The following GTF2E1 variants were observed in gnomAD, a reference collection of about 807,000 sequenced individuals.
GTF2E1 encodes the protein general transcription factor IIE subunit 1.
Under a neutral mutation model 34.9 loss-of-function variants are expected in GTF2E1, and 14 were observed. That is an observed-to-expected ratio of 0.40 (90% confidence interval 0.27 to 0.63). GTF2E1 has a LOEUF of 0.63. Ranked by LOEUF, GTF2E1 falls within the 20% of genes least tolerant of loss-of-function variation. GTF2E1 has a pLI of 0.39. For missense variants in GTF2E1, 469 were observed against 557.7 expected (o/e 0.84, Z 1.60); for synonymous variants, 188 against 192.9 (o/e 0.97, Z 0.21).
chr3:120,762,782 CT>C (rs1239035009), intron 2 of GTF2E1, among the ~76,000 whole-genome samples: 1 of 152,172 alleles, frequency 6.6e-6, no homozygotes, highest in African/African-American at 2.4e-5. Flanking sequence ...TCTTGGCCTT[CT>C]TTTAGCATGT....
intron 3 of GTF2E1, among the ~76,000 whole-genome samples, chr3:120,772,925 A>G (rs918377501): frequency 1.3e-5 from 2 of 152,124 alleles, no homozygotes; most frequent in African/African-American, 4.8e-5. Context: ...GAGGCCCAAC[A>G]GCAGCTCTCT....
At chr3:120,771,046 T>A in intron 3 of GTF2E1, 117 bp downstream of exon 3, 1 of 808,920 alleles carries the variant, frequency 1.2e-6, no homozygotes, top group South Asian at 1.5e-5. Context: ...GACTGTAATG[T>A]TACGTAGGTT....
rs55697401 is a variant in GTF2E1 at position 120,781,872 on chromosome 3, T to A, written c.*402T>A. 2 of 159,904 alleles carry A rather than the reference T, an allele frequency of 1.3e-5. No individual in the cohort carries two copies. Among genetic ancestry groups the A allele is most frequent in the African/African-American group, 4.8e-5 (2 of 41,324 alleles). The allele number at this position is 159,904 out of a possible 1,614,324, so 9.9% of individuals were successfully genotyped here. A position where few individuals can be genotyped will look rare whatever the true frequency, so the allele number is the denominator to read the frequency against. On this transcript the variant is annotated 3_prime_UTR_variant, in exon 5 of 5. Coordinates refer to ENST00000283875, the MANE Select transcript of GTF2E1 (RefSeq NM_005513.3). Reference sequence around the variant, plus strand: ...CTGGGATTACAGGTGCCTGCCACCATGCCTGGCTAATTTTTGTATTTTTAG... The same window carrying A: ...CTGGGATTACAGGTGCCTGCCACCAAGCCTGGCTAATTTTTGTATTTTTAG...
chr3:120,765,621 T>C (rs149126558), intron 2 of GTF2E1, among the ~76,000 whole-genome samples: 1 of 152,204 alleles, frequency 6.6e-6, no homozygotes, highest in African/African-American at 2.4e-5. Context: ...AATCCAAGTT[T>C]AGTGATTTTT....
chr3:120,759,270 A>G (rs1244743710), intron 2 of GTF2E1, among the ~76,000 whole-genome samples: 7 of 152,032 alleles, frequency 4.6e-5, no homozygotes, highest in Admixed American at 3.3e-4. Context: ...TCCTTTGCCC[A>G]CTTTTTGATG....
At chr3:120,778,507 A>G (rs1709419828) in intron 4 of GTF2E1, among the ~76,000 whole-genome samples, 1 of 152,132 alleles carries the variant, frequency 6.6e-6, no homozygotes, top group African/African-American at 2.4e-5. Flanking sequence ...AGAAAGTTCT[A>G]ATTCCTTTTG....
chr3:120,757,143 T>C (rs1185691963), intron 2 of GTF2E1, among the ~76,000 whole-genome samples: 1 of 152,164 alleles, frequency 6.6e-6, no homozygotes, highest in Non-Finnish European at 1.5e-5. Flanking sequence ...GGGCCTAATT[T>C]AGAGAATTTA....
In GTF2E1 at chr3:120,753,199, C is replaced by CT. The variant is rs540522255; in HGVS notation, c.448+2200dup. ...CTTTTAGAAATCTTTGTGTTTTTCT[C>CT]TATTATTCTTTCTTGTTTTGCTCGG... On this transcript the variant is annotated intron_variant, in intron 2 of 4. Coordinates refer to ENST00000283875, the MANE Select transcript of GTF2E1 (RefSeq NM_005513.3). Among the ~76,000 whole-genome samples, 30 of 151,802 alleles carry CT rather than the reference C, an allele frequency of 2.0e-4. No homozygotes were observed. The East Asian group carries it at 5.8e-3, about 29-fold the overall frequency.
At chr3:120,779,077 T>G (rs1709425876) in intron 4 of GTF2E1, among the ~76,000 whole-genome samples, 1 of 152,234 alleles carries the variant, frequency 6.6e-6, no homozygotes, top group Non-Finnish European at 1.5e-5. Context: ...AACCACTGTT[T>G]CTACTTTACC....
chr3:120,778,623 T>C (rs147847621), intron 4 of GTF2E1, among the ~76,000 whole-genome samples: 2 of 152,350 alleles, frequency 1.3e-5, no homozygotes, highest in African/African-American at 4.8e-5. Flanking sequence ...TATACTTTAC[T>C]TGAGACATAG....
At chr3:120,758,556 T>C (rs949425907) in intron 2 of GTF2E1, among the ~76,000 whole-genome samples, 1 of 147,512 alleles carries the variant, frequency 6.8e-6, no homozygotes, top group African/African-American at 2.5e-5. Flanking sequence ...TTTCTCCTAC[T>C]GCTAATCCCT....
chr3:120,748,100 T>C (rs1709124206), intron 1 of GTF2E1, among the ~76,000 whole-genome samples: 1 of 152,198 alleles, frequency 6.6e-6, no homozygotes, highest in African/African-American at 2.4e-5. Context: ...TGGGGTTGTT[T>C]GTTTTTTTCT....
At chr3:120,744,390 C>T (rs1396861664) in intron 1 of GTF2E1, among the ~76,000 whole-genome samples, 2 of 152,164 alleles carry the variant, frequency 1.3e-5, no homozygotes, top group African/African-American at 4.8e-5. Flanking sequence ...CAAAGTGGCA[C>T]AGCTTGATTT....
intron 4 of GTF2E1, among the ~76,000 whole-genome samples, chr3:120,777,354 AAGCTGGAAAGT>A (rs1356963129): frequency 6.6e-6 from 1 of 152,196 alleles, no homozygotes; most frequent in Non-Finnish European, 1.5e-5. Flanking sequence ...ACGATGACTC[AAGCTGGAAAGT>A]AGAGAGGAAG....
At chr3:120,750,039 C>T (rs1171709237) in intron 1 of GTF2E1, 1 of 153,854 alleles carries the variant, frequency 6.5e-6, no homozygotes, top group African/African-American at 2.4e-5. Flanking sequence ...GTGGTGATTA[C>T]TCATGTGTTT....
chr3:120,747,152 G>C (rs1184246559), intron 1 of GTF2E1, among the ~76,000 whole-genome samples: 1 of 151,670 alleles, frequency 6.6e-6, no homozygotes, highest in Non-Finnish European at 1.5e-5. Flanking sequence ...TGCCCAGGCT[G>C]GAGTGCAATG....
At chr3:120,775,372 A>G (rs1284124182) in intron 3 of GTF2E1, among the ~76,000 whole-genome samples, 1 of 152,164 alleles carries the variant, frequency 6.6e-6, no homozygotes, top group East Asian at 1.9e-4. Context: ...AAACACCCAA[A>G]AGGTTTGGAG....
At chr3:120,755,285 T>A (rs1414010526) in intron 2 of GTF2E1, among the ~76,000 whole-genome samples, 1 of 152,150 alleles carries the variant, frequency 6.6e-6, no homozygotes, top group East Asian at 1.9e-4. Context: ...CAGATAAAAC[T>A]TTTTGGTTTG....
chr3:120,770,292 T>C (rs1331013439), intron 2 of GTF2E1, among the ~76,000 whole-genome samples: 7 of 152,088 alleles, frequency 4.6e-5, no homozygotes, highest in Admixed American at 4.6e-4. Flanking sequence ...CCTGTGACAA[T>C]GTTCAGGATG....
Sources: gnomAD v4.1 joint callset for allele counts (sites outside exome capture counted in the v4.1 genomes callset) on GRCh38, gnomAD v4.1.1 for gene constraint, MANE v1.5 for transcripts, NCBI Gene and HGNC (gene_info 2026-07-23, HGNC 2026-07-21) for gene names.